Variants in TRPM3 observed in about 807,000 individuals in gnomAD.
TRPM3 encodes transient receptor potential cation channel subfamily M member 3.
In TRPM3, 77 loss-of-function variants were observed where a neutral mutation model predicts 181.2. The ratio of observed to expected loss-of-function variants is 0.42; its 90% CI spans 0.35 to 0.51. The LOEUF (loss-of-function observed/expected upper bound fraction) is 0.51, where lower values mean the gene tolerates loss of function less well. Ranked by LOEUF, TRPM3 falls within the 20% of genes least tolerant of loss-of-function variation. The pLI is 0.01. For synonymous variants in TRPM3, 745 were observed against 796.4 expected (o/e 0.94, Z 1.09); for missense variants, 1,759 against 2,196.7 (o/e 0.80, Z 3.98).
chr9:70,795,767 C>G (rs1163973821), intron 6 of TRPM3, among the ~76,000 whole-genome samples: 1 of 152,180 alleles, frequency 6.6e-6, no homozygotes, highest in Admixed American at 6.5e-5. Flanking sequence ...GATAACTTAG[C>G]TTTTTACATA....
intron 22 of TRPM3, among the ~76,000 whole-genome samples, chr9:70,582,185 T>TGTGTGC (rs2055999905): frequency 7.7e-6 from 1 of 130,350 alleles, no homozygotes; most frequent in Non-Finnish European, 1.7e-5. Flanking sequence ...CCTGTGCGTG[T>TGTGTGC]GTGTGTGTGT....
chr9:71,093,700 C>A (rs369496753), intron 1 of TRPM3, among the ~76,000 whole-genome samples: 2 of 152,200 alleles, frequency 1.3e-5, no homozygotes, highest in East Asian at 1.9e-4. Flanking sequence ...GGATCTAGAA[C>A]CAGAAATACC....
chr9:71,336,858 T>C (rs1260486208), intron 1 of TRPM3, among the ~76,000 whole-genome samples: 1 of 152,160 alleles, frequency 6.6e-6, no homozygotes. Flanking sequence ...GGGGAAAGGA[T>C]TCCCTATTTA....
chr9:71,040,085 A>G (rs982199178), intron 1 of TRPM3, among the ~76,000 whole-genome samples: 27 of 152,328 alleles, frequency 1.8e-4, no homozygotes, highest in African/African-American at 6.5e-4. Context: ...GTCCCTATGC[A>G]GGGAAAAGAA....
chr9:70,854,903 T>A (rs1313567271), intron 3 of TRPM3, among the ~76,000 whole-genome samples: 1 of 152,210 alleles, frequency 6.6e-6, no homozygotes, highest in Non-Finnish European at 1.5e-5. Flanking sequence ...TACATCAGCA[T>A]GATTTTCATG....
At chr9:70,688,294 T>TA (rs1384001832) in intron 8 of TRPM3, among the ~76,000 whole-genome samples, 7 of 32,310 alleles carry the variant, frequency 2.2e-4, no homozygotes, top group South Asian at 1.2e-3. Context: ...TCCCAAAACT[T>TA]TAAAAAAATT....
At chr9:70,798,474 C>T (rs1287951200) in intron 6 of TRPM3, among the ~76,000 whole-genome samples, 2 of 152,146 alleles carry the variant, frequency 1.3e-5, no homozygotes, top group Non-Finnish European at 2.9e-5. Flanking sequence ...TTATTCATTA[C>T]TTTATGATCC....
At chr9:71,077,828 A>T (rs1395910277) in intron 1 of TRPM3, among the ~76,000 whole-genome samples, 6 of 151,876 alleles carry the variant, frequency 4.0e-5, no homozygotes, top group African/African-American at 1.5e-4. Context: ...TTGTTGCTAG[A>T]TTCTATGTAA....
intron 17 of TRPM3, among the ~76,000 whole-genome samples, chr9:70,618,638 G>A (rs945837246): frequency 2.6e-5 from 4 of 152,192 alleles, no homozygotes; most frequent in African/African-American, 4.8e-5. Context: ...TAATGTCCAG[G>A]CATCCTCCAT....
intron 1 of TRPM3, among the ~76,000 whole-genome samples, chr9:71,279,034 T>TAAAAAAAA (rs200421016): frequency 1.5e-4 from 7 of 47,488 alleles, no homozygotes; most frequent in African/African-American, 4.2e-4. Context: ...CCTGCTTAGG[T>TAAAAAAAA]TAAAAAAAAT....
chr9:71,359,205 C>T (rs889577114), intron 1 of TRPM3, among the ~76,000 whole-genome samples: 1 of 152,158 alleles, frequency 6.6e-6, no homozygotes, highest in Non-Finnish European at 1.5e-5. Context: ...GGTAATGAAT[C>T]TGTTGGAATT....
chr9:71,048,255 C>T (rs1338127634), intron 1 of TRPM3, among the ~76,000 whole-genome samples: 1 of 152,156 alleles, frequency 6.6e-6, no homozygotes, highest in Non-Finnish European at 1.5e-5. Context: ...AACAAGTACT[C>T]AATATATCTG....
chr9:70,861,627 A>G (rs1013579240), intron 3 of TRPM3, among the ~76,000 whole-genome samples: 7 of 152,156 alleles, frequency 4.6e-5, no homozygotes, highest in African/African-American at 1.7e-4. Context: ...ATGTGGGTCA[A>G]TCCCATACTG....
chr9:71,358,315 T>C (rs2091993676), intron 1 of TRPM3, among the ~76,000 whole-genome samples: 1 of 152,156 alleles, frequency 6.6e-6, no homozygotes, highest in Admixed American at 6.6e-5. Context: ...GAGGCCAAAG[T>C]TATGGATTCA....
chr9:70,844,160 G>T (rs1177286038), intron 4 of TRPM3, among the ~76,000 whole-genome samples: 3 of 152,172 alleles, frequency 2.0e-5, no homozygotes, highest in African/African-American at 7.2e-5. Context: ...TCAGGGGCTA[G>T]CCTAGAGGAA....
At chr9:71,235,536 T>A (rs2081308609) in intron 1 of TRPM3, among the ~76,000 whole-genome samples, 2 of 152,234 alleles carry the variant, frequency 1.3e-5, no homozygotes, top group Middle Eastern at 3.2e-3. Flanking sequence ...CTGGGCAGTC[T>A]GACAGATGGA....
At chr9:70,995,442 A>C (rs924179439) in intron 1 of TRPM3, among the ~76,000 whole-genome samples, 4 of 152,084 alleles carry the variant, frequency 2.6e-5, no homozygotes, top group African/African-American at 9.7e-5. Flanking sequence ...AATTCTCACC[A>C]TTTTGATTTC....
At chr9:70,844,267 T>C (rs2094846037) in intron 4 of TRPM3, among the ~76,000 whole-genome samples, 1 of 152,192 alleles carries the variant, frequency 6.6e-6, no homozygotes, top group Non-Finnish European at 1.5e-5. Flanking sequence ...AACTCAATAC[T>C]GAAATATTCA....
At chr9:70,626,115 T>G (rs1589473671) in intron 12 of TRPM3, among the ~76,000 whole-genome samples, 1 of 152,338 alleles carries the variant, frequency 6.6e-6, no homozygotes, top group Middle Eastern at 3.4e-3. Flanking sequence ...GGTGTCTTTT[T>G]TAGCTGTTTG....
Sources: gnomAD v4.1 joint callset for allele counts (sites outside exome capture counted in the v4.1 genomes callset) on GRCh38, gnomAD v4.1.1 for gene constraint, MANE v1.5 for transcripts, NCBI Gene and HGNC (gene_info 2026-07-23, HGNC 2026-07-21) for gene names.